The following CSMD1 variants were observed in gnomAD, a reference collection of about 807,000 sequenced individuals.
CSMD1 encodes the protein CUB and sushi domain-containing protein 1.
Under a neutral mutation model 417.5 loss-of-function variants are expected in CSMD1, and 213 were observed. The ratio of observed to expected loss-of-function variants is 0.51; its 90% CI spans 0.46 to 0.57. The LOEUF (loss-of-function observed/expected upper bound fraction) is 0.57, where lower values mean the gene tolerates loss of function less well. Among genes scored for constraint, CSMD1 ranks in the 20% least tolerant of loss-of-function variants. The pLI is 0.00. For synonymous variants in CSMD1, 2,862 were observed against 1,736.8 expected, an observed-to-expected ratio of 1.65 and a Z score of -16.11; for missense variants, 6,923 against 4,529.7, an observed-to-expected ratio of 1.53 and a Z score of -15.17.
chr8:4,202,074 C>A (rs886136905), intron 3 of CSMD1, among the ~76,000 whole-genome samples: 2 of 146,188 alleles, frequency 1.4e-5, no homozygotes, highest in African/African-American at 2.5e-5. Context: ...ATGCTTGCCT[C>A]TCAGTTTAAG....
intron 3 of CSMD1, among the ~76,000 whole-genome samples, chr8:4,109,480 C>G (rs1247183196): frequency 1.3e-5 from 2 of 152,156 alleles, no homozygotes; most frequent in Non-Finnish European, 2.9e-5. Flanking sequence ...CCCTACTTTA[C>G]AATCCCATAC....
chr8:3,152,581 C>A (rs923219214), intron 39 of CSMD1, among the ~76,000 whole-genome samples: 3 of 152,136 alleles, frequency 2.0e-5, no homozygotes, highest in Non-Finnish European at 2.9e-5. Context: ...AAACTTAAGT[C>A]TAGTGAATAT....
chr8:4,662,251 T>C lies in CSMD1; in HGVS notation c.86-24693A>G, dbSNP rs146637658. On this transcript the variant is annotated intron_variant, in intron 1 of 69. Coordinates refer to ENST00000635120, the MANE Select transcript of CSMD1 (RefSeq NM_033225.6). ...ATGATTTTTTATAATTAATACCAAA[T>C]TTAATAAACATTTTTATTTTGTAGA... Among the ~76,000 whole-genome samples, 6 of 152,226 alleles carry C rather than the reference T, an allele frequency of 3.9e-5. No individual in the cohort carries two copies. The East Asian group carries it at 7.7e-4, about 20-fold the overall frequency.
chr8:3,298,689 G>A (rs902080103), intron 25 of CSMD1, among the ~76,000 whole-genome samples: 2 of 152,138 alleles, frequency 1.3e-5, no homozygotes, highest in African/African-American at 4.8e-5. Context: ...CCTGATCTCA[G>A]GTAATCTGCC....
chr8:3,952,155 C>A (rs1395992456), intron 5 of CSMD1, among the ~76,000 whole-genome samples: 1 of 152,076 alleles, frequency 6.6e-6, no homozygotes, highest in Non-Finnish European at 1.5e-5. Flanking sequence ...GTCGCAGAAA[C>A]CTTCAATGGG....
rs1430908729 is a variant in CSMD1 at position 4,816,078 on chromosome 8, G to C, written c.85+178254C>G. 2.0e-5 allele frequency among the ~76,000 whole-genome samples: 3 copies of C among 152,172 alleles called. No homozygotes were observed. The East Asian group carries it at 5.8e-4, about 29-fold the overall frequency. The stretch of plus-strand genomic sequence containing the variant: ...TAAACACAGCAGGACTGGGTTTAGG[G>C]AGCAGAACTGGGCAGAATGTGAGGA... On this transcript the variant is annotated intron_variant, in intron 1 of 69. Transcript: ENST00000635120.
At chr8:3,676,346 C>T (rs140957254) in intron 7 of CSMD1, among the ~76,000 whole-genome samples, 18 of 152,230 alleles carry the variant, frequency 1.2e-4, no homozygotes, top group African/African-American at 4.3e-4. Flanking sequence ...AGGTGGGTGG[C>T]CGCCCGCCAG....
intron 49 of CSMD1, among the ~76,000 whole-genome samples, chr8:3,066,101 G>C (rs1002088483): frequency 6.6e-6 from 1 of 152,158 alleles, no homozygotes; most frequent in Non-Finnish European, 1.5e-5. Context: ...ATTGCCAAAG[G>C]ACAATTCAAA....
intron 5 of CSMD1, among the ~76,000 whole-genome samples, chr8:3,926,935 C>G (rs1051217513): frequency 1.3e-5 from 2 of 151,558 alleles, no homozygotes; most frequent in Non-Finnish European, 1.5e-5. Context: ...AGGATGGTCT[C>G]AAACTCCTGA....
At chr8:4,693,076 T>A (rs1806881483) in intron 1 of CSMD1, among the ~76,000 whole-genome samples, 1 of 152,204 alleles carries the variant, frequency 6.6e-6, no homozygotes, top group Non-Finnish European at 1.5e-5. Context: ...CTACACAGCT[T>A]TCTTCTCCAC....
intron 2 of CSMD1, among the ~76,000 whole-genome samples, chr8:4,599,939 G>C (rs1800495779): frequency 6.6e-6 from 1 of 152,170 alleles, no homozygotes; most frequent in African/African-American, 2.4e-5. Context: ...GGTATGCATG[G>C]ATCTGACACG....
chr8:3,498,570 G>A (rs181871764), intron 10 of CSMD1, among the ~76,000 whole-genome samples: 5 of 152,254 alleles, frequency 3.3e-5, no homozygotes, highest in Admixed American at 3.3e-4. Context: ...GTTTTCAGCT[G>A]TTATTTTATT....
intron 3 of CSMD1, among the ~76,000 whole-genome samples, chr8:4,102,723 T>C (rs1285456099): frequency 1.3e-5 from 2 of 152,200 alleles, no homozygotes; most frequent in Non-Finnish European, 2.9e-5. Flanking sequence ...CAAAAGATTT[T>C]AGACAAGATA....
At chr8:3,669,770 A>C (rs1285892872) in intron 7 of CSMD1, among the ~76,000 whole-genome samples, 1 of 152,042 alleles carries the variant, frequency 6.6e-6, no homozygotes, top group Non-Finnish European at 1.5e-5. Flanking sequence ...GGCTACACAC[A>C]CTCATCAGAG....
intron 8 of CSMD1, among the ~76,000 whole-genome samples, chr8:3,603,724 A>T (rs984847417): frequency 6.6e-6 from 1 of 152,188 alleles, no homozygotes; most frequent in East Asian, 1.9e-4. Context: ...TTTCTTAAAA[A>T]ACCCCCTGAT....
At chr8:4,566,733 T>C (rs1417222002) in intron 2 of CSMD1, among the ~76,000 whole-genome samples, 4 of 151,804 alleles carry the variant, frequency 2.6e-5, no homozygotes, top group African/African-American at 4.8e-5. Context: ...GTTTCAAATA[T>C]TTGAGGTGGA....
chr8:3,214,555 G>A lies in CSMD1; in HGVS notation c.4809C>T (p.Thr1603=), dbSNP rs1797785237. ...GYKILDPSSI[T]CVIGADGKPS... ...GTTTCCCATCAGCCCCAATCACACA[G>A]GTGATGGATGAGGGGTCAAGAATCT... Residue 1603 remains threonine, a synonymous_variant, in exon 30 of 70, where the codon ACC becomes ACT. Transcript: ENST00000635120. The A allele has an allele frequency of 6.3e-6, 10 of 1,595,190 alleles. No homozygotes were observed. The East Asian group carries it at 1.4e-4, about 22-fold the overall frequency.
chr8:4,123,743 T>C (rs1399312021), intron 3 of CSMD1, among the ~76,000 whole-genome samples: 1 of 152,192 alleles, frequency 6.6e-6, no homozygotes, highest in Non-Finnish European at 1.5e-5. Context: ...TAGAATTCAA[T>C]GTGTTTATGC....
intron 3 of CSMD1, among the ~76,000 whole-genome samples, chr8:4,230,215 A>G (rs1362238944): frequency 6.6e-6 from 1 of 152,160 alleles, no homozygotes; most frequent in African/African-American, 2.4e-5. Flanking sequence ...TTTCCCTCTA[A>G]TCTTAATAAA....
Sources: allele counts gnomAD v4.1 joint callset (sites outside exome capture counted in the v4.1 genomes callset), GRCh38; gene constraint gnomAD v4.1.1; transcripts MANE v1.5; gene names NCBI Gene and HGNC (gene_info 2026-07-23, HGNC 2026-07-21).